Variants in FUT1 observed in about 807,000 individuals in gnomAD.
The protein encoded by FUT1 is fucosyltransferase 1 (H blood group).
For synonymous variants in FUT1, 215 were observed against 208.7 expected (o/e 1.03, Z -0.26); for missense variants, 476 against 492.7 (o/e 0.97, Z 0.32).
chr19:48,750,481 C>T lies in FUT1; in HGVS notation c.801G>A (p.Trp267Ter), dbSNP rs2033978773. The T allele has an allele frequency of 6.2e-7, 1 of 1,614,080 alleles. No individual in the cohort carries two copies. Among genetic ancestry groups the T allele is most frequent in the Non-Finnish European group, 8.5e-7 (1 of 1,180,054 alleles). ...VFVVTSNGME[W>*]CKENIDTSQG... is the part of the protein sequence containing the mutation. ...GGGAGGTGTCGATGTTTTCTTTACACCACTCCATGCCGTTGCTGGTGACCA... is the reference window on the plus strand; with the variant it reads ...GGGAGGTGTCGATGTTTTCTTTACATCACTCCATGCCGTTGCTGGTGACCA... The change falls in exon 2 of 2, where the codon TGG (tryptophan) becomes TGA (stop). Residue 267 changes from tryptophan to a stop codon, truncating the protein, a stop_gained. Coordinates refer to ENST00000645652, the MANE Select transcript of FUT1 (RefSeq NM_001384359.1). LOFTEE classifies it low-confidence loss of function (END_TRUNC).
At chr19:48,753,764 T>TCAAG (rs1324359313), upstream of FUT1, 1 of 153,676 alleles carries the variant, frequency 6.5e-6, no homozygotes, top group Non-Finnish European at 1.5e-5. Context: ...ACTGATAAGG[T>TCAAG]CAAGCAAGTC....
rs2122555318 is a variant in FUT1, at chr19:48,750,782, A to G, written c.500T>C (p.Phe167Ser). The G allele has an allele frequency of 6.2e-7, 1 of 1,613,958 alleles. No homozygotes were observed. The highest frequency in any genetic ancestry group is 2.2e-5 in the East Asian group (1 of 44,872). ...LRDPFLKLSG[F>S]PCSWTFFHHL... is the part of the protein sequence containing the mutation. ...GTGGAAGAAAGTCCAAGAGCAGGGG[A>G]AGCCAGAGAGCTTCAGGAAAGGATC... The change falls in exon 2 of 2, where the codon TTC becomes TCC. Residue 167 changes from phenylalanine (F) to serine (S), a missense_variant. Physicochemically the swap from Phe to Ser is radical, Grantham distance 155 (BLOSUM62 -2). Coordinates refer to ENST00000645652, the MANE Select transcript of FUT1 (RefSeq NM_001384359.1).
rs1404004380 is a variant in FUT1, at chr19:48,749,179, AG to A, written c.*1004del. 6.6e-6 allele frequency: 1 copy of A among 152,186 alleles called. No homozygotes were observed. Among genetic ancestry groups the A allele is most frequent in the African/African-American group, 2.4e-5 (1 of 41,414 alleles). The allele number at this position is 152,186 out of a possible 1,614,324, so 9.4% of individuals were successfully genotyped here. A position where few individuals can be genotyped will look rare whatever the true frequency, so the allele number is the denominator to read the frequency against. ...CGTGGTGGCGGGCGCCTGTAGTCCC[AG>A]CTACTCAGGAGGCTGAGGCAGAATG... is the stretch of plus-strand genomic sequence containing the variant. On this transcript the variant is annotated 3_prime_UTR_variant, in exon 2 of 2. Coordinates refer to ENST00000645652, the MANE Select transcript of FUT1 (RefSeq NM_001384359.1).
rs554316270 is a variant in FUT1, at chr19:48,749,955, A to G, written c.*229T>C. ...AGAGCAGGTGGGCACTGTGGCTTCTAGAACTGCCTGCCAGCCATCAGGAAA... is the reference window on the plus strand; with the variant it reads ...AGAGCAGGTGGGCACTGTGGCTTCTGGAACTGCCTGCCAGCCATCAGGAAA... On this transcript the variant is annotated 3_prime_UTR_variant, in exon 2 of 2. Transcript: ENST00000645652. 19 of 591,412 alleles carry G rather than the reference A, an allele frequency of 3.2e-5. No homozygotes were observed. The African/African-American group carries it at 3.5e-4, about 11-fold the overall frequency. The allele number at this position is 591,412 out of a possible 1,614,324, so 36.6% of individuals were successfully genotyped here.
At chr19:48,754,077 T>C (rs1340504937), upstream of FUT1, among the ~76,000 whole-genome samples, 2 of 150,820 alleles carry the variant, frequency 1.3e-5, no homozygotes, top group East Asian at 2.0e-4. Flanking sequence ...TCCTAGCTAT[T>C]TGGGAGGGTG....
Position 48,750,465 on chromosome 19 carries a change from C to G in FUT1, c.817G>C (p.Asp273His). The change falls in exon 2 of 2, where the codon GAC becomes CAC. Residue 273 changes from aspartate to histidine, a missense_variant. Physicochemically the swap from Asp to His is moderately conservative, Grantham distance 81 (BLOSUM62 -1). Transcript: ENST00000645652. ...AACGTCACATCGCCCTGGGAGGTGTCGATGTTTTCTTTACACCACTCCATG... is the reference window on the plus strand; with the variant it reads ...AACGTCACATCGCCCTGGGAGGTGTGGATGTTTTCTTTACACCACTCCATG... Reference protein sequence around the residue: ...NGMEWCKENIDTSQGDVTFAG... With the variant: ...NGMEWCKENIHTSQGDVTFAG... The G allele has an allele frequency of 5.0e-6, 8 of 1,614,194 alleles. No individual in the cohort carries two copies. The highest frequency in any genetic ancestry group is 2.2e-5 in the South Asian group (2 of 91,082).
At position 48,749,849 on chromosome 19, in the gene FUT1, C is replaced by G; in HGVS notation, c.*335G>C. 1 of 369,562 alleles carries G rather than the reference C, an allele frequency of 2.7e-6. No individual in the cohort carries two copies. Among genetic ancestry groups the G allele is most frequent in the South Asian group, 2.6e-5 (1 of 38,076 alleles). 22.9% of individuals were successfully genotyped at this position (369,562 alleles called of 1,614,324 possible). On this transcript the variant is annotated 3_prime_UTR_variant, in exon 2 of 2. Coordinates refer to ENST00000645652, the MANE Select transcript of FUT1 (RefSeq NM_001384359.1). ...TTGGAGGACCCAGGGGAGAAGTAAC[C>G]CCTCTTCTAGAGTAGACCAGAGGGA...
chr19:48,752,803 C>T (rs8108090), upstream of FUT1: 204 of 985,392 alleles, frequency 2.1e-4, no homozygotes, highest in African/African-American at 3.0e-3. This position sits in a 1 kb window ranked among gnomAD's most constrained non-coding sequence, Gnocchi z 4.3. Context: ...CTGGGCCCAC[C>T]GCTCCCCAGA....
Position 48,750,922 on chromosome 19 carries a change from C to T in FUT1, c.360G>A (p.Leu120=). 1 of 1,612,078 alleles carries T rather than the reference C, an allele frequency of 6.2e-7. No individual in the cohort carries two copies. Among genetic ancestry groups the T allele is most frequent in the Non-Finnish European group, 8.5e-7 (1 of 1,178,686 alleles). The change falls in exon 2 of 2, where the codon CTG becomes CTA. Residue 120 remains leucine (L), a synonymous_variant. Transcript: ENST00000645652. Reference sequence around the variant, plus strand: ...GCAGGGTGATGCGGAATACCGGGGCCAGGGCGGCATGCATGGCAGGCAGGA... The same window carrying T: ...GCAGGGTGATGCGGAATACCGGGGCTAGGGCGGCATGCATGGCAGGCAGGA... ...AFILPAMHAA[L]APVFRITLPV...
upstream of FUT1, chr19:48,753,463 T>A (rs559406109): frequency 6.6e-6 from 1 of 152,318 alleles, no homozygotes; most frequent in Admixed American, 6.5e-5. Flanking sequence ...ATTAAAGCAT[T>A]TTCTCTGGTC....
rs761496497 is a variant in FUT1 at position 48,751,173 on chromosome 19, C to T, written c.109G>A (p.Gly37Ser). The stretch of plus-strand genomic sequence containing the variant: ...CGGTCTGGACACAGGATCGACAGGC[C>T]TAGGCCATGTGGAAAGCTGTCTTGA... The part of the protein sequence containing the change: ...IHQDSFPHGL[G>S]LSILCPDRRL... The change falls in exon 2 of 2, where the codon GGC (glycine) becomes AGC (serine). Residue 37 changes from glycine to serine, a missense_variant. Gly to Ser is a moderately conservative substitution (Grantham distance 56). Transcript: ENST00000645652. 1 of 1,614,124 alleles carries T rather than the reference C, an allele frequency of 6.2e-7. No homozygotes were observed. The highest frequency in any genetic ancestry group is 2.2e-5 in the East Asian group (1 of 44,872).
upstream of FUT1, among the ~76,000 whole-genome samples, chr19:48,754,880 T>A (rs2034063483): frequency 2.0e-5 from 3 of 152,106 alleles, no homozygotes; most frequent in South Asian, 6.2e-4. Context: ...GGCTCGGGAC[T>A]CCCAGCACCC....
Position 48,750,648 on chromosome 19 carries a change from G to A in FUT1, c.634C>T (p.Arg212Cys), listed in dbSNP as rs771713990. ...LRLGRTGDRP[R>C]TFVGVHVRRG... ...CGCACGTGGACGCCGACAAAGGTGC[G>A]CGGGCGGTCCCCTGTGCGGCCCAGG... is the stretch of plus-strand genomic sequence containing the variant. Residue 212 changes from arginine to cysteine, a missense_variant, in exon 2 of 2, where the codon CGC becomes TGC. Arg to Cys is a radical substitution (Grantham distance 180). Transcript: ENST00000645652. 3 of 1,612,488 alleles carry A rather than the reference G, an allele frequency of 1.9e-6. No homozygotes were observed. Among genetic ancestry groups the A allele is most frequent in the East Asian group, 2.2e-5 (1 of 44,870 alleles).
chr19:48,750,723 G>C lies in FUT1; in HGVS notation c.559C>G (p.Leu187Val). ...GCCTCTTCCCGAAGGTGGTCGTGCAGGGTGAACTCTCTGCGGATCTGTTCC... is the reference window on the plus strand; with the variant it reads ...GCCTCTTCCCGAAGGTGGTCGTGCACGGTGAACTCTCTGCGGATCTGTTCC... Reference protein sequence around the residue: ...LREQIRREFTLHDHLREEAQS... With the variant: ...LREQIRREFTVHDHLREEAQS... The change falls in exon 2 of 2, where the codon CTG becomes GTG. Residue 187 changes from leucine to valine, a missense_variant. Transcript: ENST00000645652. The C allele has an allele frequency of 6.2e-7, 1 of 1,613,654 alleles. No homozygotes were observed.
At chr19:48,751,338 T>G in intron 1 of FUT1, 55 bp from the exon 2 acceptor site, 1 of 1,589,626 alleles carries the variant, frequency 6.3e-7, no homozygotes. Context: ...GAGGGGAGGC[T>G]GAGGAGGGAT....
intron 1 of FUT1, 71 bp from the exon 2 acceptor site, chr19:48,751,354 G>T: frequency 6.5e-7 from 1 of 1,534,294 alleles, no homozygotes; most frequent in Non-Finnish European, 8.9e-7. Context: ...GGGATGTGGG[G>T]TAAGGGAGGC....
In FUT1 at chr19:48,750,597, G is replaced by A; in HGVS notation, c.685C>T (p.Pro229Ser). The A allele has an allele frequency of 1.2e-6, 2 of 1,611,170 alleles. No homozygotes were observed. The highest frequency in any genetic ancestry group is 1.7e-6 in the Non-Finnish European group (2 of 1,179,984). ...VRRGDYLQVMPQRWKGVVGDS... is the reference protein window; with the variant it reads ...VRRGDYLQVMSQRWKGVVGDS... ...CCCACCACACCCTTCCAGCGCTGAG[G>A]CATAACCTGCAGATAGTCCCCACGG... The change falls in exon 2 of 2, where the codon CCT (proline) becomes TCT (serine). Residue 229 changes from proline to serine, a missense_variant. Transcript: ENST00000645652.
Position 48,748,347 on chromosome 19 carries a change from A to C in FUT1, c.*1837T>G, listed in dbSNP as rs764880442. ...CAAAGCCAGATGTAGTGGTTCTGGG[A>C]GTTCAGGGACAGACAGTGGTTAGCA... is the stretch of plus-strand genomic sequence containing the variant. On this transcript the variant is annotated 3_prime_UTR_variant, in exon 2 of 2. Coordinates refer to ENST00000645652, the MANE Select transcript of FUT1 (RefSeq NM_001384359.1). The C allele has an allele frequency of 1.3e-5, 2 of 152,274 alleles. No individual in the cohort carries two copies. Among genetic ancestry groups the C allele is most frequent in the Non-Finnish European group, 2.9e-5 (2 of 68,080 alleles). 9.4% of individuals were successfully genotyped at this position (152,274 alleles called of 1,614,324 possible).
chr19:48,753,524 G>A (rs2034037505), upstream of FUT1: 1 of 152,336 alleles, frequency 6.6e-6, no homozygotes, highest in African/African-American at 2.4e-5. Context: ...GCTAACGTAG[G>A]GTCCAGCCCT....
Sources: allele counts gnomAD v4.1 joint callset (sites outside exome capture counted in the v4.1 genomes callset), GRCh38; gene constraint gnomAD v4.1.1; non-coding constraint Gnocchi (gnomAD v3.1); transcripts MANE v1.5; gene names NCBI Gene and HGNC (gene_info 2026-07-23, HGNC 2026-07-21).